Variants in KANK1 observed in about 807,000 individuals in gnomAD.
KANK1 encodes the protein KN motif and ankyrin repeat domains 1.
KANK1 carries 109 observed loss-of-function variants against 106.2 expected under a neutral mutation model. The observed-to-expected ratio is 1.03, with a 90% CI of 0.88 to 1.20. The LOEUF (loss-of-function observed/expected upper bound fraction) is 1.20. Ranked by LOEUF, KANK1 falls within the 50% of genes most tolerant of loss-of-function variation. KANK1 has a pLI of 0.00. For missense variants in KANK1, 2,399 were observed against 1,710.7 expected, an observed-to-expected ratio of 1.40 and a Z score of -7.10; for synonymous variants, 873 against 652.2, an observed-to-expected ratio of 1.34 and a Z score of -5.16.
intron 1 of KANK1, among the ~76,000 whole-genome samples, chr9:573,092 A>G (rs892098578): frequency 6.6e-6 from 1 of 152,150 alleles, no homozygotes; most frequent in Non-Finnish European, 1.5e-5. Flanking sequence ...TGGAGTATTC[A>G]TGATGCTGAT....
chr9:725,795 T>C (rs72693439), intron 3 of KANK1, among the ~76,000 whole-genome samples: 11,441 of 152,268 alleles, frequency 0.075, 1,000 homozygotes, highest in African/African-American at 0.2. Context: ...TTCGTTCTTT[T>C]TCTTCATATT....
intron 7 of KANK1, chr9:735,791 C>G (rs191239405): frequency 5.0e-6 from 2 of 398,654 alleles, no homozygotes; most frequent in South Asian, 3.6e-5. Flanking sequence ...GTCTGGAGTT[C>G]GAGACGAGCT....
chr9:650,558 G>C (rs1840665500), intron 1 of KANK1, among the ~76,000 whole-genome samples: 1 of 152,150 alleles, frequency 6.6e-6, no homozygotes, highest in Non-Finnish European at 1.5e-5. Context: ...TTGAGTAGCA[G>C]GTTGTCAGGA....
At chr9:674,335 T>G (rs897016267) in intron 1 of KANK1, 1 of 149,794 alleles carries the variant, frequency 6.7e-6, no homozygotes. Context: ...TGCTAGTCAG[T>G]GTAGCTGGAA....
intron 1 of KANK1, among the ~76,000 whole-genome samples, chr9:559,873 A>G (rs1398035678): frequency 1.3e-5 from 2 of 152,142 alleles, no homozygotes; most frequent in African/African-American, 4.8e-5. Context: ...TGTTCTTCAC[A>G]TACTCTTCCT....
chr9:473,643 G>A (rs1054229500), intron 3 of KANK1, among the ~76,000 whole-genome samples: 1 of 152,124 alleles, frequency 6.6e-6, no homozygotes, highest in South Asian at 2.1e-4. Context: ...CAAACCACAG[G>A]CACCTGTGAT....
rs945685700 is a variant in KANK1 at position 704,852 on chromosome 9, C to A, written c.38-5952C>A. Among the ~76,000 whole-genome samples the A allele has an allele frequency of 3.3e-5, 5 of 151,492 alleles. No individual in the cohort carries two copies. In the South Asian group the frequency reaches 6.3e-4, roughly 19 times the overall value. On this transcript the variant is annotated intron_variant, in intron 2 of 11. Transcript: ENST00000382297. ...TTTTAAAAAATTAAAATTAGCCAGG[C>A]GTGGTGCTACATACCTATAGTTCCC...
Position 713,055 on chromosome 9 carries a change from G to C in KANK1, c.2289G>C (p.Gln763His), listed in dbSNP as rs557119004. Residue 763 changes from glutamine (Q) to histidine (H), a missense_variant, in exon 3 of 12, where the codon CAG (glutamine) becomes CAC (histidine). Gln to His is a conservative substitution (Grantham distance 24). Transcript: ENST00000382297. ...AVKTKESGVG[Q>H]ININDNYLVG... ...AGACCAAAGAGTCAGGTGTGGGGCA[G>C]ATAAATATTAACGACAACTATCTGG... 5.0e-6 allele frequency: 8 copies of C among 1,614,194 alleles called. No homozygotes were observed. The South Asian group carries it at 7.7e-5, about 16-fold the overall frequency.
At chr9:507,639 C>G (rs1279401123) in intron 1 of KANK1, among the ~76,000 whole-genome samples, 1 of 151,072 alleles carries the variant, frequency 6.6e-6, no homozygotes, top group Non-Finnish European at 1.5e-5. Flanking sequence ...TCACTGCAAC[C>G]TCCGCCTCCT....
At chr9:500,311 TCTTA>T (rs1164358179), upstream of KANK1, among the ~76,000 whole-genome samples, 1 of 152,216 alleles carries the variant, frequency 6.6e-6, no homozygotes, top group Non-Finnish European at 1.5e-5. Flanking sequence ...GGAGTTATCC[TCTTA>T]CTGAAAGAGA....
chr9:617,574 T>G (rs1310047588), intron 1 of KANK1, among the ~76,000 whole-genome samples: 1 of 152,170 alleles, frequency 6.6e-6, no homozygotes, highest in Non-Finnish European at 1.5e-5. Flanking sequence ...TACAGCTACT[T>G]GATGGTGATC....
chr9:600,801 G>A (rs116834494), intron 1 of KANK1, among the ~76,000 whole-genome samples: 2,044 of 151,854 alleles, frequency 0.013, 105 homozygotes, highest in African/African-American at 0.047. Flanking sequence ...CCCAGTGTTC[G>A]CTTCTTTTGC....
chr9:535,646 G>T (rs2060264041), intron 1 of KANK1, among the ~76,000 whole-genome samples: 1 of 152,358 alleles, frequency 6.6e-6, no homozygotes, highest in African/African-American at 2.4e-5. Flanking sequence ...AGTTGTCCCT[G>T]AGTTGTTAGG....
intron 1 of KANK1, among the ~76,000 whole-genome samples, chr9:576,554 T>G (rs1383947511): frequency 6.6e-6 from 1 of 152,210 alleles, no homozygotes; most frequent in Non-Finnish European, 1.5e-5. Flanking sequence ...GTAATCTCAG[T>G]CTTGAGAGCA....
intron 3 of KANK1, among the ~76,000 whole-genome samples, chr9:475,176 G>C (rs1373185965): frequency 6.6e-6 from 1 of 152,198 alleles, no homozygotes; most frequent in African/African-American, 2.4e-5. Context: ...AAGAGGCAAA[G>C]TGGCGGAGTT....
intron 1 of KANK1, among the ~76,000 whole-genome samples, chr9:629,215 A>G (rs1835087002): frequency 6.6e-6 from 1 of 152,198 alleles, no homozygotes; most frequent in South Asian, 2.1e-4. Context: ...CCAGCCGCTG[A>G]TGGGGTTGCC....
chr9:743,150 G>A (rs1010375751), intron 10 of KANK1, among the ~76,000 whole-genome samples: 1 of 152,186 alleles, frequency 6.6e-6, no homozygotes, highest in Admixed American at 6.5e-5. Context: ...GGGTTGGCTT[G>A]GTTCCGTTTT....
intron 1 of KANK1, among the ~76,000 whole-genome samples, chr9:567,247 C>T (rs1380478431): frequency 6.6e-6 from 1 of 152,066 alleles, no homozygotes; most frequent in African/African-American, 2.4e-5. Context: ...TTATTGTAGC[C>T]CAGTAGTGTA....
intron 1 of KANK1, among the ~76,000 whole-genome samples, chr9:566,057 C>T (rs1263452041): frequency 1.3e-5 from 2 of 152,174 alleles, no homozygotes; most frequent in Non-Finnish European, 2.9e-5. Flanking sequence ...TGTTGTTGTC[C>T]TCTATGTGCC....
Sources: gnomAD v4.1 joint callset for allele counts (sites outside exome capture counted in the v4.1 genomes callset) on GRCh38, gnomAD v4.1.1 for gene constraint, MANE v1.5 for transcripts, NCBI Gene and HGNC (gene_info 2026-07-23, HGNC 2026-07-21) for gene names.